Variants in NDUFAF6 observed in about 807,000 individuals in gnomAD.
The protein encoded by NDUFAF6 is NADH:ubiquinone oxidoreductase complex assembly factor 6.
Under a neutral mutation model 40.8 loss-of-function variants are expected in NDUFAF6, and 45 were observed. The ratio of observed to expected loss-of-function variants is 1.10; its 90% CI spans 0.87 to 1.42. NDUFAF6 has a LOEUF of 1.42. NDUFAF6 is among the 40% of genes most tolerant of loss of function. The probability of loss-of-function intolerance (pLI) is 0.00; values close to 1 mark genes in which losing one functional copy is unlikely to be tolerated. For synonymous variants in NDUFAF6, 185 were observed against 155.9 expected (o/e 1.19, Z -1.39); for missense variants, 435 against 418.5 (o/e 1.04, Z -0.34).
chr8:94,956,451 C>T (rs145000222), upstream of NDUFAF6, among the ~76,000 whole-genome samples: 508 of 152,180 alleles, frequency 3.3e-3, 1 homozygote, highest in Non-Finnish European at 5.0e-3. Context: ...CTTAGAGGAC[C>T]AGCAGTGTGG....
At chr8:95,046,860 A>G in intron 5 of NDUFAF6, 134 bp from the exon 6 acceptor site, 1 of 1,235,244 alleles carries the variant, frequency 8.1e-7, no homozygotes, top group Non-Finnish European at 1.1e-6. Flanking sequence ...TTTTTCACTC[A>G]TAAATCCTGT....
At chr8:94,911,702 G>A (rs1818791720) in intron 1 of NDUFAF6, among the ~76,000 whole-genome samples, 2 of 152,252 alleles carry the variant, frequency 1.3e-5, no homozygotes, top group Admixed American at 6.5e-5. Context: ...AGGAAGGAAG[G>A]AGATGGGCCT....
intron 3 of NDUFAF6, among the ~76,000 whole-genome samples, chr8:95,037,150 G>A (rs1829598742): frequency 1.3e-5 from 2 of 152,294 alleles, no homozygotes; most frequent in Middle Eastern, 3.4e-3. Flanking sequence ...CCATTTCTCT[G>A]TATGAATTTT....
chr8:95,069,522 G>A (rs1473281792), intron 9 of NDUFAF6, among the ~76,000 whole-genome samples: 1 of 151,556 alleles, frequency 6.6e-6, no homozygotes. Flanking sequence ...GCTCACGCCT[G>A]TAATCACAGC....
At chr8:94,916,573 G>T (rs1054943571) in intron 1 of NDUFAF6, among the ~76,000 whole-genome samples, 2 of 152,152 alleles carry the variant, frequency 1.3e-5, no homozygotes, top group Non-Finnish European at 2.9e-5. Flanking sequence ...CAACACTTTG[G>T]GAGGCCGAGG....
chr8:95,039,431 G>A (rs1361309169), intron 3 of NDUFAF6, among the ~76,000 whole-genome samples: 4 of 150,240 alleles, frequency 2.7e-5, no homozygotes, highest in African/African-American at 2.5e-5. Context: ...CCAGCCTGGC[G>A]ACAAAGCGAG....
At chr8:94,922,643 T>C (rs1819584257) in intron 1 of NDUFAF6, among the ~76,000 whole-genome samples, 1 of 151,896 alleles carries the variant, frequency 6.6e-6, no homozygotes, top group African/African-American at 2.4e-5. Context: ...CACACCCAAC[T>C]AATTTTTGTG....
chr8:95,081,566 T>A (rs1808870416), intron 2 of NDUFAF6, among the ~76,000 whole-genome samples: 1 of 152,064 alleles, frequency 6.6e-6, no homozygotes, highest in South Asian at 2.1e-4. Flanking sequence ...GCCTTAATGA[T>A]GAAGGATGAT....
At chr8:95,027,886 A>T (rs1235519187) in intron 1 of NDUFAF6, among the ~76,000 whole-genome samples, 1 of 152,188 alleles carries the variant, frequency 6.6e-6, no homozygotes, top group African/African-American at 2.4e-5. Context: ...CTTCGGGTTC[A>T]CCATCCTCGG....
upstream of NDUFAF6, among the ~76,000 whole-genome samples, chr8:95,095,818 C>A (rs960610705): frequency 5.3e-5 from 8 of 152,038 alleles, no homozygotes; most frequent in African/African-American, 1.9e-4. Flanking sequence ...GCGCCTGCCA[C>A]CATGCTTGGC....
chr8:94,931,092 A>G (rs959367234), intron 1 of NDUFAF6, among the ~76,000 whole-genome samples: 2 of 152,232 alleles, frequency 1.3e-5, no homozygotes, highest in African/African-American at 2.4e-5. Context: ...TCTTTTGCAA[A>G]TATATATTTT....
intron 1 of NDUFAF6, among the ~76,000 whole-genome samples, chr8:94,960,533 A>G (rs1395254387): frequency 6.6e-6 from 1 of 152,206 alleles, no homozygotes; most frequent in African/African-American, 2.4e-5. Context: ...TTAATACAAT[A>G]AAGGATGGAT....
At chr8:94,998,679 G>C (rs1043512592) in intron 2 of NDUFAF6, among the ~76,000 whole-genome samples, 1 of 152,174 alleles carries the variant, frequency 6.6e-6, no homozygotes, top group Non-Finnish European at 1.5e-5. Flanking sequence ...AGCAGCTGCT[G>C]CCCAGTGCAC....
At chr8:94,959,863 T>A (rs555154653) in intron 1 of NDUFAF6, among the ~76,000 whole-genome samples, 7 of 152,320 alleles carry the variant, frequency 4.6e-5, no homozygotes, top group Non-Finnish European at 7.4e-5. Context: ...TGAACTGACC[T>A]TGGCTTTGGG....
At chr8:94,986,667 C>T (rs889277020) in intron 2 of NDUFAF6, among the ~76,000 whole-genome samples, 1 of 152,134 alleles carries the variant, frequency 6.6e-6, no homozygotes, top group African/African-American at 2.4e-5. Flanking sequence ...TCCTTAGGGT[C>T]CTCAAAGATG....
intron 2 of NDUFAF6, among the ~76,000 whole-genome samples, chr8:95,085,387 A>G (rs1373895822): frequency 1.3e-5 from 2 of 152,284 alleles, no homozygotes; most frequent in African/African-American, 4.8e-5. Context: ...AATCCTACGT[A>G]CTATGGTTCA....
chr8:95,103,258 C>G (rs1035490154), exon 3 of NDUFAF6: 1 of 152,120 alleles, frequency 6.6e-6, no homozygotes, highest in African/African-American at 2.4e-5. Context: ...GGAAAATCAA[C>G]CTGTTGATAC....
At chr8:95,033,007 C>A (rs1024105792) in intron 2 of NDUFAF6, among the ~76,000 whole-genome samples, 1 of 152,032 alleles carries the variant, frequency 6.6e-6, no homozygotes, top group Non-Finnish European at 1.5e-5. Context: ...TAAATAGTTC[C>A]CACCTTGGTC....
intron 3 of NDUFAF6, among the ~76,000 whole-genome samples, chr8:95,037,559 A>G (rs903850047): frequency 2.0e-5 from 3 of 151,922 alleles, no homozygotes; most frequent in Non-Finnish European, 2.9e-5. Context: ...CCTGCCATGT[A>G]GTAGTAGTAG....
Sources: allele counts gnomAD v4.1 joint callset (sites outside exome capture counted in the v4.1 genomes callset), GRCh38; gene constraint gnomAD v4.1.1; transcripts MANE v1.5; gene names NCBI Gene and HGNC (gene_info 2026-07-23, HGNC 2026-07-21).